Variants in TSNARE1 observed in about 807,000 individuals in gnomAD.
TSNARE1 encodes t-SNARE domain-containing protein 1.
Under a neutral mutation model 62.0 loss-of-function variants are expected in TSNARE1, and 49 were observed. The observed-to-expected ratio is 0.79, with a 90% CI of 0.63 to 1.00. The LOEUF (loss-of-function observed/expected upper bound fraction) is 1.00. Among genes scored for constraint, TSNARE1 ranks in the 50% least tolerant of loss-of-function variants. The pLI is 0.00. For missense variants in TSNARE1, 755 were observed against 700.1 expected (o/e 1.08, Z -0.88); for synonymous variants, 328 against 294.4 (o/e 1.11, Z -1.17).
At chr8:142,323,553 G>T (rs968907588) in intron 6 of TSNARE1, among the ~76,000 whole-genome samples, 2 of 152,232 alleles carry the variant, frequency 1.3e-5, no homozygotes, top group Non-Finnish European at 2.9e-5. Flanking sequence ...GCCAAGTGTG[G>T]GTCCCACTGG....
rs114609108 is a variant in TSNARE1 at position 142,263,691 on chromosome 8, T to G, written c.1446+11090A>C. On this transcript the variant is annotated intron_variant, in intron 12 of 13. Transcript: ENST00000524325. ...AATTTCTTTAAAGAATGACTGAGGC[T>G]ATTTAGAGTTGATGTTGGCAAAGTG... is the stretch of plus-strand genomic sequence containing the variant. 7.2e-3 allele frequency among the ~76,000 whole-genome samples: 1,095 copies of G among 152,362 alleles called. 11 individuals are homozygous for G. Among genetic ancestry groups the G allele is most frequent in the African/African-American group, 0.025 (1,047 of 41,580 alleles).
chr8:142,300,793 T>C (rs1825608702), intron 9 of TSNARE1, 149 bp from the exon 10 acceptor site: 2 of 763,018 alleles, frequency 2.6e-6, no homozygotes, highest in East Asian at 3.8e-5. Flanking sequence ...GGGGGCCTTC[T>C]GCGGCCACGA....
chr8:142,324,514 G>C (rs1036420066), intron 6 of TSNARE1, among the ~76,000 whole-genome samples: 1 of 152,106 alleles, frequency 6.6e-6, no homozygotes, highest in African/African-American at 2.4e-5. Context: ...AGTCTGCCGG[G>C]GCCAGAACCG....
rs369922910 is a variant in TSNARE1 at position 142,288,003 on chromosome 8, C to A, written c.1291-3518G>T. On this transcript the variant is annotated intron_variant, in intron 10 of 13. Coordinates refer to ENST00000524325, the MANE Select transcript of TSNARE1 (RefSeq NM_145003.5). ...CTGCAGCCACCAGCATGGGATGGGC[C>A]TTACGTGTGTGCACCCATCAATCTG... 1.4e-3 allele frequency among the ~76,000 whole-genome samples: 206 copies of A among 152,378 alleles called. 2 individuals are homozygous for A. The highest frequency in any genetic ancestry group is 4.7e-3 in the African/African-American group (195 of 41,594).
intron 1 of TSNARE1, among the ~76,000 whole-genome samples, chr8:142,399,141 C>G (rs1258103017): frequency 6.6e-6 from 1 of 152,256 alleles, no homozygotes; most frequent in Non-Finnish European, 1.5e-5. Flanking sequence ...ATTCAAGGCA[C>G]CTGGCTTGTC....
At position 142,244,797 on chromosome 8, in the gene TSNARE1, C is replaced by T. The variant is rs559317052; in HGVS notation, c.1447-15218G>A. On this transcript the variant is annotated intron_variant, in intron 12 of 13. Transcript: ENST00000524325. ...GCAGCCCACAGAGCGGAAAGGGAGG[C>T]TGGCACAGAACCTGCCACTCGCAGG... Among the ~76,000 whole-genome samples, 3 of 152,342 alleles carry T rather than the reference C, an allele frequency of 2.0e-5. No individual in the cohort carries two copies. The East Asian group carries it at 5.8e-4, about 29-fold the overall frequency.
At chr8:142,361,844 C>A (rs1835187985) in intron 1 of TSNARE1, among the ~76,000 whole-genome samples, 1 of 152,216 alleles carries the variant, frequency 6.6e-6, no homozygotes, top group African/African-American at 2.4e-5. Context: ...AGTGGCCAGA[C>A]CACAGCCAGA....
intron 4 of TSNARE1, among the ~76,000 whole-genome samples, chr8:142,334,863 C>T (rs1055135038): frequency 1.3e-5 from 2 of 152,166 alleles, no homozygotes; most frequent in East Asian, 1.9e-4. Flanking sequence ...ATTTCAAACA[C>T]AGGGGCAGAT....
Position 142,398,332 on chromosome 8 carries a change from AAC to A in TSNARE1, c.-40+4770_-40+4771del, listed in dbSNP as rs143146063. Among the ~76,000 whole-genome samples the A allele has an allele frequency of 7.8e-3, 1,129 of 144,250 alleles. 9 individuals carry two copies. Among genetic ancestry groups the A allele is most frequent in the East Asian group, 0.017 (81 of 4,812 alleles). 94.6% of individuals were successfully genotyped at this position (144,250 alleles called of 152,430 possible). Reference sequence around the variant, plus strand: ...AAAACACACCCCCAGCCCTGCCCAAAACACACCCCTAGCCCTGCCCAAAACAT... The same window carrying A: ...AAAACACACCCCCAGCCCTGCCCAAAACACCCCTAGCCCTGCCCAAAACAT... On this transcript the variant is annotated intron_variant, in intron 1 of 13. Coordinates refer to ENST00000524325, the MANE Select transcript of TSNARE1 (RefSeq NM_145003.5).
chr8:142,287,924 C>T (rs1450154506), intron 10 of TSNARE1, among the ~76,000 whole-genome samples: 1 of 152,238 alleles, frequency 6.6e-6, no homozygotes, highest in Non-Finnish European at 1.5e-5. Flanking sequence ...TCGTGGAACC[C>T]AGGACCTCGG....
In TSNARE1 at chr8:142,318,397, C is replaced by T. The variant is rs866501830; in HGVS notation, c.984+147G>A. 4 of 779,882 alleles carry T rather than the reference C, an allele frequency of 5.1e-6. No individual in the cohort carries two copies. In the Middle Eastern group the frequency reaches 9.8e-4, roughly 191 times the overall value. The allele number at this position is 779,882 out of a possible 1,614,324, so 48.3% of individuals were successfully genotyped here. On this transcript the variant is annotated intron_variant, in intron 7 of 13. Coordinates refer to ENST00000524325, the MANE Select transcript of TSNARE1 (RefSeq NM_145003.5). ...GCACACAGGTTCTGAGCCATGGAGCCATGGGAGGCTGGGTGCCAGGCCAGT... is the reference window on the plus strand; with the variant it reads ...GCACACAGGTTCTGAGCCATGGAGCTATGGGAGGCTGGGTGCCAGGCCAGT...
chr8:142,375,593 G>A (rs569409544), intron 1 of TSNARE1, among the ~76,000 whole-genome samples: 54 of 152,346 alleles, frequency 3.5e-4, no homozygotes, highest in South Asian at 1.0e-3. Context: ...TGCACCTCCC[G>A]GTGAAGTCCG....
At chr8:142,403,187 G>T (rs1202373470), upstream of TSNARE1, 1 of 149,734 alleles carries the variant, frequency 6.7e-6, no homozygotes, top group East Asian at 2.0e-4. Context: ...TCACGTGACG[G>T]CCCCTCCCGC....
Position 142,319,755 on chromosome 8 carries a change from C to T in TSNARE1, c.894-1121G>A, listed in dbSNP as rs1173316842. ...CCCACCTCCTGATACCCACCCTGGG[C>T]GGGCAGAGCCTGTGGCACACAGAGG... is the stretch of plus-strand genomic sequence containing the variant. On this transcript the variant is annotated intron_variant, in intron 6 of 13. Transcript: ENST00000524325. The surrounding 1 kb of genome is among the most constrained non-coding windows in gnomAD (Gnocchi z 4.9). Among the ~76,000 whole-genome samples, 4 of 152,132 alleles carry T rather than the reference C, an allele frequency of 2.6e-5. No homozygotes were observed. Among genetic ancestry groups the T allele is most frequent in the Admixed American group, 6.5e-5 (1 of 15,280 alleles).
At chr8:142,279,545 C>A (rs189636962) in intron 11 of TSNARE1, among the ~76,000 whole-genome samples, 9 of 152,178 alleles carry the variant, frequency 5.9e-5, no homozygotes, top group Non-Finnish European at 1.3e-4. Flanking sequence ...CCGGTGGGCA[C>A]GGCTTGAGGT....
intron 9 of TSNARE1, among the ~76,000 whole-genome samples, chr8:142,303,240 G>A (rs1324839095): frequency 6.6e-6 from 1 of 152,180 alleles, no homozygotes; most frequent in Non-Finnish European, 1.5e-5. Context: ...AGAGACCCCA[G>A]GCCAGAGGAA....
intron 1 of TSNARE1, among the ~76,000 whole-genome samples, chr8:142,381,084 C>T (rs1003224721): frequency 6.6e-6 from 1 of 152,270 alleles, no homozygotes; most frequent in East Asian, 1.9e-4. Flanking sequence ...AGCAGCCAAT[C>T]AGGGCCGTCA....
intron 1 of TSNARE1, among the ~76,000 whole-genome samples, chr8:142,396,425 A>G (rs191606332): frequency 6.6e-6 from 1 of 151,246 alleles, no homozygotes; most frequent in African/African-American, 2.4e-5. Flanking sequence ...AGAAATCTCA[A>G]CCTCCATACC....
chr8:142,225,318 G>A (rs963001611), intron 13 of TSNARE1, among the ~76,000 whole-genome samples: 7 of 152,052 alleles, frequency 4.6e-5, no homozygotes, highest in Non-Finnish European at 1.0e-4. Flanking sequence ...CACCTTCTCT[G>A]CTCCTTGGCC....
Sources: gnomAD v4.1 joint callset for allele counts (sites outside exome capture counted in the v4.1 genomes callset) on GRCh38, gnomAD v4.1.1 for gene constraint, Gnocchi (gnomAD v3.1) non-coding constraint, MANE v1.5 for transcripts, NCBI Gene and HGNC (gene_info 2026-07-23, HGNC 2026-07-21) for gene names.